Variants in PRDM8 observed in about 807,000 individuals in gnomAD.
PRDM8 encodes the protein PR/SET domain 8.
A neutral mutation model predicts 46.5 loss-of-function variants in PRDM8; 13 were observed. The ratio of observed to expected loss-of-function variants is 0.28; its 90% CI spans 0.18 to 0.44. PRDM8 has a LOEUF of 0.44. PRDM8 is among the 20% of genes least tolerant of loss of function. The pLI is 1.00. For synonymous variants in PRDM8, 473 were observed against 438.4 expected (o/e 1.08, Z -0.98); for missense variants, 998 against 955.0 (o/e 1.04, Z -0.59).
At position 80,203,744 on chromosome 4, in the gene PRDM8, C is replaced by CACA. The variant is rs1275919240; in HGVS notation, c.*212_*213insACA. The CACA allele has an allele frequency of 1.7e-5, 8 of 480,918 alleles. No individual in the cohort carries two copies. Among genetic ancestry groups the CACA allele is most frequent in the African/African-American group, 1.5e-4 (7 of 47,768 alleles). 29.8% of individuals were successfully genotyped at this position (480,918 alleles called of 1,614,324 possible). A position where few individuals can be genotyped will look rare whatever the true frequency, so the allele number is the denominator to read the frequency against. ...ATATTTACCCGGGACACACACCCCC[C>CACA]CCCACACACACACACAGACACACTC... On this transcript the variant is annotated 3_prime_UTR_variant, in exon 4 of 4. Coordinates refer to ENST00000415738, the MANE Select transcript of PRDM8 (RefSeq NM_001099403.2).
rs1355848085 is a variant in PRDM8, at chr4:80,197,648, C to T, written c.-118C>T. ...AGGAAGAGCCTAAAAGGCGGCAACA[C>T]CAACACCTCTTGACATGGAAATACA... On this transcript the variant is annotated 5_prime_UTR_variant, in exon 1 of 4. Transcript: ENST00000415738. The T allele has an allele frequency of 4.1e-6, 4 of 983,428 alleles. No individual in the cohort carries two copies. The highest frequency in any genetic ancestry group is 2.3e-4 in the East Asian group (2 of 8,762). 60.9% of individuals were successfully genotyped at this position (983,428 alleles called of 1,614,324 possible).
In PRDM8 at chr4:80,191,222, AAC is replaced by A. The variant is rs550132868; in HGVS notation, c.-982-243_-982-242del. On this transcript the variant is annotated intron_variant, in intron 1 of 9. Transcript: ENST00000339711. ...GACAACATTCACCCCAACCTTCTTAAACACACACCCATACCCATATATGCATA... is the reference window on the plus strand; with the variant it reads ...GACAACATTCACCCCAACCTTCTTAAACACACCCATACCCATATATGCATA... Among the ~76,000 whole-genome samples the A allele has an allele frequency of 3.3e-5, 5 of 152,308 alleles. No homozygotes were observed. The South Asian group carries it at 8.3e-4, about 25-fold the overall frequency.
At chr4:80,186,003 T>G (rs1737046448) in intron 1 of PRDM8, among the ~76,000 whole-genome samples, 1 of 152,170 alleles carries the variant, frequency 6.6e-6, no homozygotes, top group South Asian at 2.1e-4. Flanking sequence ...TGCAGCTGGC[T>G]TCTCAGGAAG....
In PRDM8 at chr4:80,202,862, G is replaced by A. The variant is rs1185771802; in HGVS notation, c.1400G>A (p.Gly467Asp). The A allele has an allele frequency of 5.2e-5, 65 of 1,245,118 alleles. No individual in the cohort carries two copies. Among genetic ancestry groups the A allele is most frequent in the Non-Finnish European group, 6.2e-5 (62 of 1,001,062 alleles). The allele number at this position is 1,245,118 out of a possible 1,614,324, so 77.1% of individuals were successfully genotyped here. The change falls in exon 4 of 4, where the codon GGC becomes GAC. Residue 467 changes from glycine to aspartate, a missense_variant. Transcript: ENST00000415738. ...GCCTTCACTTCGGTGCCGCAGCTGGGCAGCGCGGGCAGCACCAGCGGTGGG... is the reference window on the plus strand; with the variant it reads ...GCCTTCACTTCGGTGCCGCAGCTGGACAGCGCGGGCAGCACCAGCGGTGGG... ...GSAFTSVPQL[G>D]SAGSTSGGGG... is the part of the protein sequence containing the mutation.
chr4:80,201,436 A>G lies in PRDM8; in HGVS notation c.366A>G (p.Lys122=), dbSNP rs1578261326. ...LFYRSLRRIA[K]DEELLVWYGK... ...ACCGCTCTCTCCGCAGGATTGCCAA[A>G]GACGAGGAGTTACTAGTTTGGTACG... is the stretch of plus-strand genomic sequence containing the variant. The change falls in exon 3 of 4, where the codon AAA becomes AAG. Residue 122 remains lysine (K), a synonymous_variant. Coordinates refer to ENST00000415738, the MANE Select transcript of PRDM8 (RefSeq NM_001099403.2). 1 of 1,614,234 alleles carries G rather than the reference A, an allele frequency of 6.2e-7. No individual in the cohort carries two copies.
At position 80,202,652 on chromosome 4, in the gene PRDM8, G is replaced by A. The variant is rs547971507; in HGVS notation, c.1190G>A (p.Ser397Asn). 3 of 1,500,582 alleles carry A rather than the reference G, an allele frequency of 2.0e-6. No individual in the cohort carries two copies. The highest frequency in any genetic ancestry group is 2.6e-5 in the East Asian group (1 of 37,794). The allele number at this position is 1,500,582 out of a possible 1,614,324, so 93.0% of individuals were successfully genotyped here. A position where few individuals can be genotyped will look rare whatever the true frequency, so the allele number is the denominator to read the frequency against. The change falls in exon 4 of 4, where the codon AGC becomes AAC. Residue 397 changes from serine to asparagine, a missense_variant. Transcript: ENST00000415738. ...GTGAAGAAGGCTGCCCGCGCGGCCAGCCTGCAGGAGGAGGGGACAGCCGAC... is the reference window on the plus strand; with the variant it reads ...GTGAAGAAGGCTGCCCGCGCGGCCAACCTGCAGGAGGAGGGGACAGCCGAC... ...VEVKKAARAA[S>N]LQEEGTADGA...
In PRDM8 at chr4:80,203,410, A is replaced by G; in HGVS notation, c.1948A>G (p.Lys650Glu). The change falls in exon 4 of 4, where the codon AAG becomes GAG. Residue 650 changes from lysine (K) to glutamate (E), a missense_variant. Transcript: ENST00000415738. ...GTACCATATGAGGTCGCACCACAAA[A>G]AGGAGTATGCGATGGAGCCCTTGGT... ...LVYHMRSHHK[K>E]EYAMEPLVKR... 6.2e-7 allele frequency: 1 copy of G among 1,613,708 alleles called. No homozygotes were observed.
Position 80,197,602 on chromosome 4 carries a change from C to T in PRDM8, c.-164C>T. On this transcript the variant is annotated 5_prime_UTR_variant, in exon 1 of 4. Transcript: ENST00000415738. ...CCCCAATCTTTTTCTCCCCATCTCT[C>T]CATCTCTCTCTTATCTCTTCAGGAA... 2.1e-6 allele frequency: 2 copies of T among 959,368 alleles called. No individual in the cohort carries two copies. Among genetic ancestry groups the T allele is most frequent in the Non-Finnish European group, 2.5e-6 (2 of 808,378 alleles). The allele number at this position is 959,368 out of a possible 1,614,324, so 59.4% of individuals were successfully genotyped here. A position where few individuals can be genotyped will look rare whatever the true frequency, so the allele number is the denominator to read the frequency against.
At chr4:80,188,349 G>T (rs1737279638) in intron 1 of PRDM8, among the ~76,000 whole-genome samples, 1 of 152,136 alleles carries the variant, frequency 6.6e-6, no homozygotes, top group Admixed American at 6.5e-5. Context: ...TGATGTTATT[G>T]ATGTTAAATA....
In PRDM8 at chr4:80,200,093, G is replaced by C. The variant is rs1453177936; in HGVS notation, c.13G>C (p.Gly5Arg). 6.2e-7 allele frequency: 1 copy of C among 1,613,380 alleles called. No homozygotes were observed. Among genetic ancestry groups the C allele is most frequent in the Non-Finnish European group, 8.5e-7 (1 of 1,179,510 alleles). ...TCTATCTCCAGTGATGGAGGATACTGGCATCCAGCGAGGCATCTGGGATGG... is the reference window on the plus strand; with the variant it reads ...TCTATCTCCAGTGATGGAGGATACTCGCATCCAGCGAGGCATCTGGGATGG... MEDTGIQRGIWDGDA... is the reference protein window; with the variant it reads MEDTRIQRGIWDGDA... The change falls in exon 2 of 4, where the codon GGC (glycine) becomes CGC (arginine). Residue 5 changes from glycine to arginine, a missense_variant. Transcript: ENST00000415738.
rs910463955 is a variant in PRDM8 at position 80,202,576 on chromosome 4, G to A, written c.1114G>A (p.Ala372Thr). Residue 372 changes from alanine (A) to threonine (T), a missense_variant, in exon 4 of 4, where the codon GCG (alanine) becomes ACG (threonine). Coordinates refer to ENST00000415738, the MANE Select transcript of PRDM8 (RefSeq NM_001099403.2). ...FGLEENGRLF[A>T]PPSPETGEAK... is the part of the protein sequence containing the mutation. ...CCTGGAAGAGAACGGCCGCCTCTTC[G>A]CGCCGCCAAGTCCCGAGACGGGCGA... 4.6e-6 allele frequency: 7 copies of A among 1,534,254 alleles called. No homozygotes were observed. Among genetic ancestry groups the A allele is most frequent in the Admixed American group, 2.0e-5 (1 of 50,958 alleles).
At position 80,201,998 on chromosome 4, in the gene PRDM8, C is replaced by T. The variant is rs764189007; in HGVS notation, c.536C>T (p.Pro179Leu). 6.2e-7 allele frequency: 1 copy of T among 1,614,096 alleles called. No individual in the cohort carries two copies. Among genetic ancestry groups the T allele is most frequent in the South Asian group, 1.1e-5 (1 of 91,080 alleles). ...GTGGCGCATCTGCGTTTCCGCTGCCCCAAGAGACTTCACAGCGCTGATATA... is the reference window on the plus strand; with the variant it reads ...GTGGCGCATCTGCGTTTCCGCTGCCTCAAGAGACTTCACAGCGCTGATATA... ...PYVAHLRFRC[P>L]KRLHSADISP... The change falls in exon 4 of 4, where the codon CCC becomes CTC. Residue 179 changes from proline to leucine, a missense_variant. Pro to Leu is a moderately conservative substitution (Grantham distance 98). Transcript: ENST00000415738.
At position 80,203,335 on chromosome 4, in the gene PRDM8, A is replaced by G; in HGVS notation, c.1873A>G (p.Asn625Asp). ...SFTSLCLPAQNWCAKCNASFR... is the reference protein window; with the variant it reads ...SFTSLCLPAQDWCAKCNASFR... ...CACCTCGCTGTGTCTGCCCGCGCAG[A>G]ACTGGTGCGCCAAGTGCAATGCCTC... is the stretch of plus-strand genomic sequence containing the variant. Residue 625 changes from asparagine (N) to aspartate (D), a missense_variant, in exon 4 of 4, where the codon AAC becomes GAC. Asn to Asp is a conservative substitution (Grantham distance 23). Transcript: ENST00000415738. 6.2e-7 allele frequency: 1 copy of G among 1,613,858 alleles called. No homozygotes were observed. The highest frequency in any genetic ancestry group is 8.5e-7 in the Non-Finnish European group (1 of 1,179,968).
In PRDM8 at chr4:80,202,500, G is replaced by A. The variant is rs752840771; in HGVS notation, c.1038G>A (p.Glu346=). Residue 346 remains glutamate (E), a synonymous_variant, in exon 4 of 4, where the codon GAG becomes GAA. Transcript: ENST00000415738. ...AGCGGCCCCTCCCGGCCTCCAAGGA[G>A]GATCTGGTGTGCACACCGCAGCAGT... ...FVERPLPASK[E]DLVCTPQQYR... is the part of the protein sequence containing the mutation. 7.1e-6 allele frequency: 11 copies of A among 1,540,592 alleles called. No homozygotes were observed. In the South Asian group the frequency reaches 1.3e-4, roughly 18 times the overall value.
intron 1 of PRDM8, among the ~76,000 whole-genome samples, chr4:80,198,328 G>A (rs1292565052): frequency 6.6e-6 from 1 of 152,156 alleles, no homozygotes; most frequent in East Asian, 1.9e-4. Context: ...GCGACCTCCC[G>A]GCACAATGAA....
At position 80,202,902 on chromosome 4, in the gene PRDM8, C is replaced by T; in HGVS notation, c.1440C>T (p.Ala480=). ...CCAGCGGTGGGGGCGGAACGGGCGC[C>T]GGGGCCGCAGGCGGCGCGGGCGGGG... ...GSTSGGGGTG[A]GAAGGAGGGQ... is the part of the protein sequence containing the mutation. Residue 480 remains alanine (A), a synonymous_variant, in exon 4 of 4, where the codon GCC becomes GCT. Transcript: ENST00000415738. 7.5e-7 allele frequency: 1 copy of T among 1,331,944 alleles called. No homozygotes were observed. Among genetic ancestry groups the T allele is most frequent in the East Asian group, 3.1e-5 (1 of 31,910 alleles). 82.5% of individuals were successfully genotyped at this position (1,331,944 alleles called of 1,614,324 possible). A position where few individuals can be genotyped will look rare whatever the true frequency, so the allele number is the denominator to read the frequency against.
At chr4:80,199,707 ATATGTGTG>A (rs1240237003) in intron 1 of PRDM8, among the ~76,000 whole-genome samples, 2 of 90,626 alleles carry the variant, frequency 2.2e-5, no homozygotes, top group Admixed American at 2.5e-4. Flanking sequence ...ATATATATAT[ATATGTGTG>A]TGTGTGTGTG....
At position 80,189,389 on chromosome 4, in the gene PRDM8, C is replaced by A. The variant is rs190546064; in HGVS notation, c.-982-2083C>A. Reference sequence around the variant, plus strand: ...ATATCAATCTACCGGGCAGGCCTTCCGCAGCAAACTGATTGCTCTTGCATT... The same window carrying A: ...ATATCAATCTACCGGGCAGGCCTTCAGCAGCAAACTGATTGCTCTTGCATT... On this transcript the variant is annotated intron_variant, in intron 1 of 9. Transcript: ENST00000339711. Among the ~76,000 whole-genome samples the A allele has an allele frequency of 2.0e-4, 31 of 151,788 alleles. No individual in the cohort carries two copies. The East Asian group carries it at 4.7e-3, about 23-fold the overall frequency.
chr4:80,186,703 C>T (rs925897197), intron 1 of PRDM8, among the ~76,000 whole-genome samples: 1 of 152,130 alleles, frequency 6.6e-6, no homozygotes, highest in African/African-American at 2.4e-5. Flanking sequence ...TCTGTTAGTG[C>T]CCCTTTTATC....
Sources: gnomAD v4.1 joint callset for allele counts (sites outside exome capture counted in the v4.1 genomes callset) on GRCh38, gnomAD v4.1.1 for gene constraint, MANE v1.5 for transcripts, NCBI Gene and HGNC (gene_info 2026-07-23, HGNC 2026-07-21) for gene names.